Variants in HRH2 observed in about 807,000 individuals in gnomAD.
HRH2 encodes the protein histamine receptor H2.
Under a neutral mutation model 20.1 loss-of-function variants are expected in HRH2, and 4 were observed. The ratio of observed to expected loss-of-function variants is 0.20; its 90% CI spans 0.10 to 0.45. The LOEUF (loss-of-function observed/expected upper bound fraction) is 0.45, where lower values mean the gene tolerates loss of function less well. Among genes scored for constraint, HRH2 ranks in the 20% least tolerant of loss-of-function variants. HRH2 has a pLI of 0.99. For missense variants in HRH2, 250 were observed against 461.6 expected (o/e 0.54, Z 4.20); for synonymous variants, 197 against 200.7 (o/e 0.98, Z 0.16).
intron 2 of HRH2, among the ~76,000 whole-genome samples, chr5:175,701,839 G>A (rs893362609): frequency 1.2e-4 from 19 of 152,172 alleles, no homozygotes; most frequent in African/African-American, 9.7e-5. Flanking sequence ...CTTACTGCTC[G>A]GCAGATATCG....
At chr5:175,670,156 A>G (rs1755474298) in intron 1 of HRH2, among the ~76,000 whole-genome samples, 1 of 152,108 alleles carries the variant, frequency 6.6e-6, no homozygotes, top group Non-Finnish European at 1.5e-5. Flanking sequence ...GTTTTTCAAG[A>G]GTAATTGGAG....
chr5:175,685,618 G>A (rs912850025), intron 2 of HRH2: 83 of 719,764 alleles, frequency 1.2e-4, no homozygotes, highest in African/African-American at 2.8e-4. Context: ...CAGCTCTGCC[G>A]TCACTCAACT....
Position 175,677,774 on chromosome 5 carries a change from C to T in HRH2, c.-525-4935C>T, listed in dbSNP as rs976030180. On this transcript the variant is annotated intron_variant, in intron 1 of 2. Transcript: ENST00000636584. The surrounding 1 kb of genome is among the most constrained non-coding windows in gnomAD (Gnocchi z 4.2). ...GGAACTGGGCGGTGCCGGGCAGCCA[C>T]CTGCTCCGGCCCACCCCCAGCTGCC... Among the ~76,000 whole-genome samples the T allele has an allele frequency of 4.6e-5, 7 of 152,050 alleles. No homozygotes were observed. Among genetic ancestry groups the T allele is most frequent in the African/African-American group, 1.7e-4 (7 of 41,394 alleles).
rs1263715113 is a variant in HRH2 at position 175,670,695 on chromosome 5, G to A, written c.-525-12014G>A. ...GCTGCAAATGCAACCACCTGCCTGG[G>A]GCAGAACCCTCAAGACTCTTGAGCC... On this transcript the variant is annotated intron_variant, in intron 1 of 2. Transcript: ENST00000636584. 2.0e-5 allele frequency among the ~76,000 whole-genome samples: 3 copies of A among 152,184 alleles called. No individual in the cohort carries two copies. The East Asian group carries it at 5.8e-4, about 29-fold the overall frequency.
Position 175,684,807 on chromosome 5 carries a change from T to TG in HRH2, c.1076+506dup, listed in dbSNP as rs964036273. On this transcript the variant is annotated intron_variant, in intron 2 of 2. Transcript: ENST00000636584. ...ACCTGCTATGCATCAGCTCTTACCG[T>TG]GGGGGGGGTGTAAGTTGGTGGGGAA... Among the ~76,000 whole-genome samples the TG allele has an allele frequency of 5.7e-4, 86 of 149,732 alleles. 1 individual carries two copies. Among genetic ancestry groups the TG allele is most frequent in the East Asian group, 2.9e-3 (15 of 5,112 alleles).
At chr5:175,663,283 C>T (rs1426146591) in intron 1 of HRH2, among the ~76,000 whole-genome samples, 1 of 152,188 alleles carries the variant, frequency 6.6e-6, no homozygotes, top group African/African-American at 2.4e-5. Context: ...GTCTTACATT[C>T]CCACCAGCAG....
intron 2 of HRH2, among the ~76,000 whole-genome samples, chr5:175,692,317 G>A (rs1176695121): frequency 3.9e-5 from 6 of 152,222 alleles, no homozygotes; most frequent in African/African-American, 1.4e-4. Flanking sequence ...GTCACGAAAT[G>A]TTATTCTATT....
chr5:175,700,760 C>T (rs1756766641), intron 2 of HRH2, among the ~76,000 whole-genome samples: 1 of 152,096 alleles, frequency 6.6e-6, no homozygotes, highest in African/African-American at 2.4e-5. Flanking sequence ...TGGTGGCATG[C>T]ACCTGTAATC....
intron 1 of HRH2, among the ~76,000 whole-genome samples, chr5:175,659,131 C>T (rs1474468355): frequency 6.6e-6 from 1 of 152,142 alleles, no homozygotes; most frequent in Admixed American, 6.5e-5. Flanking sequence ...AGGGCAGGGC[C>T]TAGGGAATGT....
At chr5:175,679,492 T>A (rs1467957677) in intron 1 of HRH2, among the ~76,000 whole-genome samples, 1 of 152,234 alleles carries the variant, frequency 6.6e-6, no homozygotes, top group African/African-American at 2.4e-5. Flanking sequence ...GAAAACAGCA[T>A]GTGCAAAGGC....
rs1260200876 is a variant in HRH2 at position 175,677,911 on chromosome 5, C to T, written c.-525-4798C>T. Among the ~76,000 whole-genome samples, 3 of 152,188 alleles carry T rather than the reference C, an allele frequency of 2.0e-5. No homozygotes were observed. Among genetic ancestry groups the T allele is most frequent in the African/African-American group, 7.2e-5 (3 of 41,448 alleles). On this transcript the variant is annotated intron_variant, in intron 1 of 2. Coordinates refer to ENST00000636584, the MANE Select transcript of HRH2 (RefSeq NM_001367711.1). This position sits in a 1 kb window ranked among gnomAD's most constrained non-coding sequence, Gnocchi z 4.2. Reference sequence around the variant, plus strand: ...CTTCCCCTCCACCTGCCGGAGGCGTCTCAGGGTTCTTGGGCTACAACCCAC... The same window carrying T: ...CTTCCCCTCCACCTGCCGGAGGCGTTTCAGGGTTCTTGGGCTACAACCCAC...
At position 175,682,971 on chromosome 5, in the gene HRH2, G is replaced by C. The variant is rs1350032929; in HGVS notation, c.-263G>C. Reference sequence around the variant, plus strand: ...GTTTGATCCATGAACCTGGCTTCGAGGCCTTGCTTTTCTCTCTTCTTCATT... The same window carrying C: ...GTTTGATCCATGAACCTGGCTTCGACGCCTTGCTTTTCTCTCTTCTTCATT... On this transcript the variant is annotated 5_prime_UTR_variant, in exon 2 of 3. Transcript: ENST00000636584. 1 of 431,256 alleles carries C rather than the reference G, an allele frequency of 2.3e-6. No homozygotes were observed. Among genetic ancestry groups the C allele is most frequent in the Non-Finnish European group, 4.1e-6 (1 of 244,648 alleles). 26.7% of individuals were successfully genotyped at this position (431,256 alleles called of 1,614,324 possible).
chr5:175,689,008 C>G (rs929611737), intron 2 of HRH2, among the ~76,000 whole-genome samples: 1 of 152,176 alleles, frequency 6.6e-6, no homozygotes, highest in African/African-American at 2.4e-5. Flanking sequence ...GGCTTCAATA[C>G]TCCTGATGCC....
chr5:175,665,581 C>G (rs968370935), intron 1 of HRH2, among the ~76,000 whole-genome samples: 3 of 152,124 alleles, frequency 2.0e-5, no homozygotes, highest in Non-Finnish European at 4.4e-5. Context: ...CTTCCAGGCA[C>G]AGAGCACTCG....
chr5:175,678,562 C>T (rs545446711), intron 1 of HRH2, among the ~76,000 whole-genome samples: 1 of 152,348 alleles, frequency 6.6e-6, no homozygotes, highest in East Asian at 1.9e-4. Flanking sequence ...TTCAGCCCGG[C>T]GGCTCCCCTT....
intron 2 of HRH2, among the ~76,000 whole-genome samples, chr5:175,700,981 A>G (rs1756772758): frequency 6.6e-6 from 1 of 152,252 alleles, no homozygotes; most frequent in Admixed American, 6.5e-5. Context: ...AAATCTGTGC[A>G]AAAGCACAGA....
chr5:175,666,958 G>A (rs1387132412), intron 1 of HRH2, among the ~76,000 whole-genome samples: 3 of 151,826 alleles, frequency 2.0e-5, no homozygotes, highest in African/African-American at 4.9e-5. Flanking sequence ...AATAGAAGGG[G>A]TTTCTTTTGT....
intron 1 of HRH2, among the ~76,000 whole-genome samples, chr5:175,660,535 G>C (rs1762709808): frequency 6.6e-6 from 1 of 152,222 alleles, no homozygotes; most frequent in South Asian, 2.1e-4. Flanking sequence ...GGTTAACAGT[G>C]TTTGCCCATG....
At chr5:175,675,904 G>C (rs182850844) in intron 1 of HRH2, among the ~76,000 whole-genome samples, 227 of 152,336 alleles carry the variant, frequency 1.5e-3, no homozygotes, top group African/African-American at 5.1e-3. Flanking sequence ...TCCTGTCCCA[G>C]CTCCCATTTC....
Sources: allele counts gnomAD v4.1 joint callset (sites outside exome capture counted in the v4.1 genomes callset), GRCh38; gene constraint gnomAD v4.1.1; non-coding constraint Gnocchi (gnomAD v3.1); transcripts MANE v1.5; gene names NCBI Gene and HGNC (gene_info 2026-07-23, HGNC 2026-07-21).